PPP4R1: variants seen among roughly 807,000 people sequenced by gnomAD.
PPP4R1 encodes serine/threonine-protein phosphatase 4 regulatory subunit 1.
Under a neutral mutation model 111.2 loss-of-function variants are expected in PPP4R1, and 42 were observed. The ratio of observed to expected loss-of-function variants is 0.38; its 90% confidence interval spans 0.29 to 0.49. The LOEUF is 0.49. Among genes scored for constraint, PPP4R1 ranks in the 20% least tolerant of loss-of-function variants. The probability of loss-of-function intolerance (pLI) is 0.97; values close to 1 mark genes in which losing one functional copy is unlikely to be tolerated. For synonymous variants in PPP4R1, 409 were observed against 405.5 expected, an observed-to-expected ratio of 1.01 and a Z score of -0.10; for missense variants, 1,012 against 1,161.6, an observed-to-expected ratio of 0.87 and a Z score of 1.87.
intron 16 of PPP4R1, among the ~76,000 whole-genome samples, chr18:9,552,385 C>T (rs982158573): frequency 4.6e-5 from 7 of 152,124 alleles, no homozygotes; most frequent in African/African-American, 1.4e-4. Flanking sequence ...AAATGATAAG[C>T]GAGTGATGGA....
chr18:9,585,272 G>C (rs933979565), intron 6 of PPP4R1, among the ~76,000 whole-genome samples: 57 of 152,130 alleles, frequency 3.7e-4, no homozygotes, highest in African/African-American at 1.4e-3. Flanking sequence ...GTATTGCTAA[G>C]AAAAAATTCA....
Position 9,570,646 on chromosome 18 carries a change from T to G in PPP4R1, c.1084A>C (p.Arg362=), listed in dbSNP as rs1282020868. The stretch of plus-strand genomic sequence containing the variant: ...AGATCTGAAGGAGTATCCTCTGGCC[T>G]GACTTGTACATCCTCTGGGGCTTCT... ...DQEAPEDVQV[R]PEDTPSDLSV... The change falls in exon 11 of 20, where the codon AGG becomes CGG. Residue 362 remains arginine (R), a synonymous_variant. Transcript: ENST00000400556. The G allele has an allele frequency of 1.2e-6, 2 of 1,600,042 alleles. No homozygotes were observed. The highest frequency in any genetic ancestry group is 4.5e-5 in the East Asian group (2 of 44,656).
intron 19 of PPP4R1, 72 bp from the exon 20 acceptor site, chr18:9,548,024 G>C: frequency 6.8e-7 from 1 of 1,462,870 alleles, no homozygotes; most frequent in Non-Finnish European, 9.4e-7. Context: ...TCAAGTACGA[G>C]TGTAAACAGT....
intron 15 of PPP4R1, among the ~76,000 whole-genome samples, chr18:9,555,980 A>ACAAC (rs2145007712): frequency 1.3e-5 from 1 of 78,132 alleles, no homozygotes; most frequent in Admixed American, 1.4e-4. Flanking sequence ...ACTAAAACAA[A>ACAAC]CAAACAAACA....
At chr18:9,609,093 T>C (rs1332464732) in intron 2 of PPP4R1, among the ~76,000 whole-genome samples, 3 of 152,152 alleles carry the variant, frequency 2.0e-5, no homozygotes, top group Admixed American at 6.5e-5. Flanking sequence ...GGGAAGTTGT[T>C]AGCAGAGGTA....
At chr18:9,598,023 T>C (rs1181794316) in intron 2 of PPP4R1, among the ~76,000 whole-genome samples, 1 of 151,226 alleles carries the variant, frequency 6.6e-6, no homozygotes, top group Admixed American at 6.6e-5. Context: ...CTTTTAGAGA[T>C]GAAAAAAAGA....
intron 2 of PPP4R1, among the ~76,000 whole-genome samples, chr18:9,610,867 TACACACACAC>T (rs60173784): frequency 2.7e-5 from 4 of 149,898 alleles, no homozygotes; most frequent in East Asian, 2.0e-4. Context: ...AAATTATGTG[TACACACACAC>T]ACACACACAC....
chr18:9,557,450 T>C (rs978042350), intron 14 of PPP4R1, 68 bp from the exon 15 acceptor site: 5 of 1,358,840 alleles, frequency 3.7e-6, no homozygotes, highest in Non-Finnish European at 3.0e-6. Context: ...TTAGGCAATA[T>C]ACAAAGGCTA....
chr18:9,558,677 T>A (rs1318615287), intron 14 of PPP4R1, among the ~76,000 whole-genome samples: 1 of 146,564 alleles, frequency 6.8e-6, no homozygotes, highest in Non-Finnish European at 1.5e-5. Context: ...CACATTTCAG[T>A]ACAAATTAGC....
intron 3 of PPP4R1, 123 bp from the exon 4 acceptor site, chr18:9,593,997 G>A (rs1452299378): frequency 1.5e-5 from 11 of 712,852 alleles, no homozygotes; most frequent in African/African-American, 8.8e-5. Flanking sequence ...GTGTGATCAC[G>A]GCTAACTGCA....
chr18:9,580,003 C>T (rs139319735), intron 9 of PPP4R1, among the ~76,000 whole-genome samples: 189 of 152,216 alleles, frequency 1.2e-3, no homozygotes, highest in African/African-American at 2.9e-3. Flanking sequence ...TCCAAAACAA[C>T]GACCAAATAC....
intron 2 of PPP4R1, chr18:9,613,396 TTC>T (rs1472749408): frequency 6.6e-6 from 1 of 152,232 alleles, no homozygotes; most frequent in Non-Finnish European, 1.5e-5. Flanking sequence ...CCAAATTATT[TTC>T]TGAGGCTTAG....
intron 4 of PPP4R1, among the ~76,000 whole-genome samples, chr18:9,592,906 GT>G (rs1267400027): frequency 6.6e-6 from 1 of 152,142 alleles, no homozygotes; most frequent in Non-Finnish European, 1.5e-5. Flanking sequence ...AAGCAATTAT[GT>G]ACACAAAGGT....
At chr18:9,609,333 T>C (rs1190905512) in intron 2 of PPP4R1, among the ~76,000 whole-genome samples, 1 of 152,088 alleles carries the variant, frequency 6.6e-6, no homozygotes, top group East Asian at 1.9e-4. Context: ...TTCTGAATGA[T>C]TCCCTGGCCA....
chr18:9,592,323 G>A (rs2067224557), intron 4 of PPP4R1, among the ~76,000 whole-genome samples: 1 of 152,062 alleles, frequency 6.6e-6, no homozygotes, highest in Admixed American at 6.5e-5. Flanking sequence ...TGACCAAAGG[G>A]GCCACCATCT....
At chr18:9,569,888 T>G (rs1019384592) in intron 11 of PPP4R1, among the ~76,000 whole-genome samples, 5 of 152,036 alleles carry the variant, frequency 3.3e-5, no homozygotes, top group African/African-American at 1.2e-4. Context: ...TTGCTAGGAC[T>G]ACAAGCATGT....
At chr18:9,549,420 G>T in intron 18 of PPP4R1, 82 bp from the exon 19 acceptor site, 8 of 1,507,702 alleles carry the variant, frequency 5.3e-6, no homozygotes, top group South Asian at 2.4e-5. Flanking sequence ...ATCTCTGAGT[G>T]ACCACAGGTA....
chr18:9,564,714 G>C (rs922769264), intron 11 of PPP4R1, among the ~76,000 whole-genome samples: 2 of 52,102 alleles, frequency 3.8e-5, no homozygotes, highest in Non-Finnish European at 4.3e-5. Context: ...GTGTGTGTGT[G>C]TGTGTGTGTG....
chr18:9,553,810 GCA>G (rs1188933308), intron 15 of PPP4R1, among the ~76,000 whole-genome samples: 1 of 152,238 alleles, frequency 6.6e-6, no homozygotes, highest in Non-Finnish European at 1.5e-5. Context: ...CGCTGTGACA[GCA>G]CAGAGTAGGC....
Sources: gnomAD v4.1 joint callset for allele counts (sites outside exome capture counted in the v4.1 genomes callset) on GRCh38, gnomAD v4.1.1 for gene constraint, MANE v1.5 for transcripts, NCBI Gene and HGNC (gene_info 2026-07-23, HGNC 2026-07-21) for gene names.